KDM4C: variants seen among roughly 807,000 people sequenced by gnomAD.
KDM4C encodes lysine demethylase 4C, also known as lysine-specific demethylase 4C.
In KDM4C, 81 loss-of-function variants were observed where a neutral mutation model predicts 129.3. The observed-to-expected ratio is 0.63, with a 90% confidence interval of 0.52 to 0.75. The LOEUF is 0.75. KDM4C is among the 30% of genes least tolerant of loss of function. KDM4C has a pLI of 0.00. For missense variants in KDM4C, 1,457 were observed against 1,304.0 expected (o/e 1.12, Z -1.81); for synonymous variants, 573 against 456.1 (o/e 1.26, Z -3.26).
At chr9:6,995,915 A>T (rs191823422) in intron 12 of KDM4C, among the ~76,000 whole-genome samples, 11 of 152,020 alleles carry the variant, frequency 7.2e-5, no homozygotes, top group South Asian at 4.1e-4. Context: ...TGATCTGCCC[A>T]CCTCGGCCTC....
intron 1 of KDM4C, among the ~76,000 whole-genome samples, chr9:6,741,602 C>T (rs1299691500): frequency 1.3e-5 from 2 of 149,902 alleles, no homozygotes; most frequent in Non-Finnish European, 3.0e-5. Context: ...CTCTTAGTTT[C>T]CTTGTATCTA....
At chr9:6,816,383 G>A (rs1588469445) in intron 4 of KDM4C, among the ~76,000 whole-genome samples, 5 of 152,042 alleles carry the variant, frequency 3.3e-5, no homozygotes. Context: ...TCCCTTACCT[G>A]CCCTATTACC....
chr9:6,926,927 A>C (rs1822681612), intron 8 of KDM4C, among the ~76,000 whole-genome samples: 1 of 152,210 alleles, frequency 6.6e-6, no homozygotes, highest in South Asian at 2.1e-4. Flanking sequence ...GGTAGATGCA[A>C]TTAAATGTAT....
chr9:6,828,446 C>T (rs1834248675), intron 4 of KDM4C, among the ~76,000 whole-genome samples: 2 of 152,102 alleles, frequency 1.3e-5, no homozygotes, highest in Admixed American at 6.5e-5. Context: ...CGTGCCCGGC[C>T]ATCTCTGGAA....
At chr9:7,109,069 A>T (rs1455041111) in intron 18 of KDM4C, among the ~76,000 whole-genome samples, 2 of 152,204 alleles carry the variant, frequency 1.3e-5, no homozygotes, top group African/African-American at 4.8e-5. Flanking sequence ...GTAGAAGTGG[A>T]TTTGGTAAAT....
At chr9:7,023,477 C>T (rs1323667842) in intron 15 of KDM4C, among the ~76,000 whole-genome samples, 1 of 152,082 alleles carries the variant, frequency 6.6e-6, no homozygotes, top group Non-Finnish European at 1.5e-5. Context: ...GTAATATCAG[C>T]TATAATGTCT....
chr9:7,046,502 G>C (rs1036656379), intron 15 of KDM4C, among the ~76,000 whole-genome samples: 1 of 151,970 alleles, frequency 6.6e-6, no homozygotes, highest in African/African-American at 2.4e-5. Context: ...CGTCGTGTGT[G>C]CATTCTCTGC....
intron 4 of KDM4C, among the ~76,000 whole-genome samples, chr9:6,843,926 C>T (rs1458503796): frequency 3.9e-5 from 6 of 152,290 alleles, no homozygotes; most frequent in African/African-American, 1.4e-4. Flanking sequence ...TCATGACTCA[C>T]TGCAACCTCA....
At chr9:6,974,313 T>C (rs1166580107) in intron 8 of KDM4C, among the ~76,000 whole-genome samples, 1 of 152,222 alleles carries the variant, frequency 6.6e-6, no homozygotes, top group Non-Finnish European at 1.5e-5. Context: ...AGAAGGATTA[T>C]ATATAACGTT....
chr9:7,165,181 C>G, intron 19 of KDM4C, 57 bp from the exon 20 acceptor site: 1 of 1,595,562 alleles, frequency 6.3e-7, no homozygotes, highest in Non-Finnish European at 8.5e-7. Context: ...TTGCTAAGTT[C>G]TAAATGCAGT....
rs1201655260 is a variant in KDM4C at position 7,024,918 on chromosome 9, C to T, written c.2259+8989C>T. On this transcript the variant is annotated intron_variant, in intron 15 of 21. Transcript: ENST00000381309. ...CCTGAGGAATCGCCACACCAACTTCCACAGTGGTTGAACTAGTTTACAGTC... is the reference window on the plus strand; with the variant it reads ...CCTGAGGAATCGCCACACCAACTTCTACAGTGGTTGAACTAGTTTACAGTC... Among the ~76,000 whole-genome samples, 4 of 152,204 alleles carry T rather than the reference C, an allele frequency of 2.6e-5. 1 individual carries two copies. In the East Asian group the frequency reaches 7.7e-4, roughly 29 times the overall value.
At chr9:6,871,502 C>G (rs111760170) in intron 5 of KDM4C, among the ~76,000 whole-genome samples, 1 of 152,134 alleles carries the variant, frequency 6.6e-6, no homozygotes, top group African/African-American at 2.4e-5. Flanking sequence ...TCATTAGTGA[C>G]TCAGTTTTTT....
Position 7,175,016 on chromosome 9 carries a change from C to A in KDM4C, c.*287C>A, listed in dbSNP as rs1264061115. On this transcript the variant is annotated 3_prime_UTR_variant, in exon 22 of 22. Coordinates refer to ENST00000381309, the MANE Select transcript of KDM4C (RefSeq NM_015061.6). ...TGAAAGGAAATACTAGTGAATCACC[C>A]ACAAGGAAAAGCCACTGCCACAGAG... The A allele has an allele frequency of 1.1e-5, 3 of 267,456 alleles. No individual in the cohort carries two copies. Among genetic ancestry groups the A allele is most frequent in the Non-Finnish European group, 2.2e-5 (3 of 138,006 alleles). 16.6% of individuals were successfully genotyped at this position (267,456 alleles called of 1,614,324 possible).
chr9:6,880,149 A>G (rs1844212319), intron 6 of KDM4C, 88 bp downstream of exon 6: 10 of 738,290 alleles, frequency 1.4e-5, no homozygotes, highest in South Asian at 3.6e-5. Context: ...TTTTTACAAT[A>G]TAGACCGTTA....
At position 6,986,698 on chromosome 9, in the gene KDM4C, C is replaced by T. The variant is rs368401521; in HGVS notation, c.1677+32C>T. ...GGCAATATCCATTTTTTACCATATTCATTATATGGTGAGAGCACATTTTGA... is the reference window on the plus strand; with the variant it reads ...GGCAATATCCATTTTTTACCATATTTATTATATGGTGAGAGCACATTTTGA... On this transcript the variant is annotated intron_variant, in intron 11 of 21. Coordinates refer to ENST00000381309, the MANE Select transcript of KDM4C (RefSeq NM_015061.6). 5.7e-4 allele frequency: 835 copies of T among 1,463,602 alleles called. 4 individuals are homozygous for T. In the Middle Eastern group the frequency reaches 8.6e-3, roughly 15 times the overall value. The allele number at this position is 1,463,602 out of a possible 1,614,324, so 90.7% of individuals were successfully genotyped here.
At position 6,782,482 on chromosome 9, in the gene KDM4C, T is replaced by G. The variant is rs193288494; in HGVS notation, c.-17-10490T>G. 2.0e-5 allele frequency among the ~76,000 whole-genome samples: 3 copies of G among 152,322 alleles called. No individual in the cohort carries two copies. The East Asian group carries it at 5.8e-4, about 29-fold the overall frequency. The stretch of plus-strand genomic sequence containing the variant: ...CATGGTCCCTCTCTCAATGGAGTTC[T>G]TATGAGATTTAATTAAGAGAATGAA... On this transcript the variant is annotated intron_variant, in intron 1 of 21. Transcript: ENST00000381309.
upstream of KDM4C, chr9:6,757,950 GGC>G: frequency 2.1e-5 from 21 of 985,370 alleles, no homozygotes; most frequent in Non-Finnish European, 2.5e-5. Flanking sequence ...GTCACGTGAC[GGC>G]GCGCGCGCCC....
chr9:7,028,943 C>T (rs1826266152), intron 15 of KDM4C, among the ~76,000 whole-genome samples: 1 of 152,174 alleles, frequency 6.6e-6, no homozygotes, highest in Non-Finnish European at 1.5e-5. Context: ...TGATTCAAGA[C>T]TGTTTCTCCT....
intron 17 of KDM4C, among the ~76,000 whole-genome samples, chr9:7,060,817 G>T (rs1446266978): frequency 6.6e-6 from 1 of 152,072 alleles, no homozygotes; most frequent in Non-Finnish European, 1.5e-5. Context: ...TTTTGATGTA[G>T]CAGTTGCGTG....
Sources: allele counts gnomAD v4.1 joint callset (sites outside exome capture counted in the v4.1 genomes callset), GRCh38; gene constraint gnomAD v4.1.1; transcripts MANE v1.5; gene names NCBI Gene and HGNC (gene_info 2026-07-23, HGNC 2026-07-21).